The following NSMCE2 variants were observed in gnomAD, a reference collection of about 807,000 sequenced individuals.
NSMCE2 encodes the protein E3 SUMO-protein ligase NSE2.
A neutral mutation model predicts 23.8 loss-of-function variants in NSMCE2; 24 were observed. That is an observed-to-expected ratio of 1.01 (90% CI 0.73 to 1.42). The LOEUF (loss-of-function observed/expected upper bound fraction) is 1.42. Among genes scored for constraint, NSMCE2 ranks in the 40% most tolerant of loss-of-function variants. The pLI is 0.00. For synonymous variants in NSMCE2, 92 were observed against 94.1 expected, an observed-to-expected ratio of 0.98 and a Z score of 0.13; for missense variants, 284 against 296.5, an observed-to-expected ratio of 0.96 and a Z score of 0.31.
intron 5 of NSMCE2, among the ~76,000 whole-genome samples, chr8:125,344,033 G>T (rs1830345788): frequency 6.6e-6 from 1 of 151,958 alleles, no homozygotes; most frequent in African/African-American, 2.4e-5. Context: ...AATTACAACT[G>T]CTTTTAAGAT....
At chr8:125,140,857 G>A (rs1387049120) in intron 3 of NSMCE2, among the ~76,000 whole-genome samples, 1 of 152,094 alleles carries the variant, frequency 6.6e-6, no homozygotes, top group Admixed American at 6.5e-5. Context: ...ATGTTGCCTG[G>A]GAAATGCTCT....
chr8:125,239,010 A>T (rs750216198), intron 5 of NSMCE2, among the ~76,000 whole-genome samples: 12 of 152,202 alleles, frequency 7.9e-5, no homozygotes, highest in Non-Finnish European at 1.6e-4. Flanking sequence ...GATTATTTAG[A>T]TGCTGATTAA....
chr8:125,177,225 C>T (rs893485969), intron 4 of NSMCE2, among the ~76,000 whole-genome samples: 5 of 152,140 alleles, frequency 3.3e-5, no homozygotes, highest in South Asian at 2.1e-4. Flanking sequence ...TAAGTCTTCA[C>T]AGCACTGAAG....
intron 5 of NSMCE2, among the ~76,000 whole-genome samples, chr8:125,198,147 G>C (rs1236968943): frequency 6.6e-6 from 1 of 152,060 alleles, no homozygotes; most frequent in Non-Finnish European, 1.5e-5. Context: ...GGACAATTTG[G>C]CTTCCTCTTT....
intron 5 of NSMCE2, among the ~76,000 whole-genome samples, chr8:125,354,728 C>T (rs1045279346): frequency 1.3e-5 from 2 of 152,172 alleles, no homozygotes; most frequent in Non-Finnish European, 2.9e-5. Context: ...GAAGGTGACT[C>T]TCTAAGAAAA....
At chr8:125,311,086 C>T (rs899365914) in intron 5 of NSMCE2, among the ~76,000 whole-genome samples, 18 of 152,324 alleles carry the variant, frequency 1.2e-4, no homozygotes, top group African/African-American at 4.1e-4. Context: ...TGCTTTCAAA[C>T]TGTGTTTGTG....
chr8:125,303,662 T>C (rs952337737), intron 5 of NSMCE2, among the ~76,000 whole-genome samples: 1 of 152,098 alleles, frequency 6.6e-6, no homozygotes, highest in African/African-American at 2.4e-5. Context: ...CCAATTGCTG[T>C]ACAGAAATTC....
intron 5 of NSMCE2, among the ~76,000 whole-genome samples, chr8:125,216,475 A>C (rs563101790): frequency 6.6e-6 from 1 of 152,268 alleles, no homozygotes; most frequent in East Asian, 1.9e-4. Flanking sequence ...CCCGCTTTCT[A>C]CTAAAAATAC....
rs561419926 is a variant in NSMCE2 at position 125,170,306 on chromosome 8, G to A, written c.265-11797G>A. ...CCATTTTTAATTAGACCAAAATCCA[G>A]AGTTGTCCTTTGTTCCTTAATTTTT... On this transcript the variant is annotated intron_variant, in intron 4 of 7. Coordinates refer to ENST00000287437, the MANE Select transcript of NSMCE2 (RefSeq NM_173685.4). 4.3e-5 allele frequency among the ~76,000 whole-genome samples: 6 copies of A among 140,120 alleles called. No homozygotes were observed. In the South Asian group the frequency reaches 1.5e-3, roughly 36 times the overall value. The allele number at this position is 140,120 out of a possible 152,430, so 91.9% of individuals were successfully genotyped here.
At chr8:125,269,872 C>T (rs1755385651) in intron 5 of NSMCE2, among the ~76,000 whole-genome samples, 1 of 152,184 alleles carries the variant, frequency 6.6e-6, no homozygotes, top group Non-Finnish European at 1.5e-5. Flanking sequence ...CTAAACATAA[C>T]TTGTTAACTT....
chr8:125,316,706 CCTTCTTT>C (rs1829208697), intron 5 of NSMCE2, among the ~76,000 whole-genome samples: 1 of 86,226 alleles, frequency 1.2e-5, no homozygotes, highest in Non-Finnish European at 2.9e-5. Flanking sequence ...TTCCTTCCTT[CCTTCTTT>C]CCTTCTTTCT....
intron 5 of NSMCE2, among the ~76,000 whole-genome samples, chr8:125,269,875 G>A (rs1827103469): frequency 1.3e-5 from 2 of 152,134 alleles, no homozygotes; most frequent in Admixed American, 6.5e-5. Flanking sequence ...AACATAACTT[G>A]TTAACTTGTC....
At chr8:125,155,620 T>G (rs1169212789) in intron 4 of NSMCE2, among the ~76,000 whole-genome samples, 1 of 152,210 alleles carries the variant, frequency 6.6e-6, no homozygotes, top group African/African-American at 2.4e-5. Context: ...ACAGGGGTTA[T>G]CTCTCTTAAA....
chr8:125,318,396 A>G (rs1744706707), intron 5 of NSMCE2, among the ~76,000 whole-genome samples: 1 of 152,240 alleles, frequency 6.6e-6, no homozygotes, highest in Admixed American at 6.5e-5. Context: ...CGACACAGTG[A>G]GACCCTGACT....
intron 5 of NSMCE2, among the ~76,000 whole-genome samples, chr8:125,303,030 A>G (rs1586741451): frequency 6.6e-6 from 1 of 152,284 alleles, no homozygotes; most frequent in East Asian, 1.9e-4. Context: ...CTGTTTCGCA[A>G]GCGGAGAGTC....
intron 5 of NSMCE2, among the ~76,000 whole-genome samples, chr8:125,316,729 T>TCC (rs879554983): frequency 1.0e-5 from 1 of 96,184 alleles, no homozygotes; most frequent in Non-Finnish European, 2.2e-5. Context: ...TTTCTTTCCT[T>TCC]CTTTTCCTTC....
At chr8:125,203,349 T>A (rs1334999259) in intron 5 of NSMCE2, among the ~76,000 whole-genome samples, 1 of 152,044 alleles carries the variant, frequency 6.6e-6, no homozygotes, top group African/African-American at 2.4e-5. Flanking sequence ...ATAACTAATA[T>A]CTAGAAAGAG....
At chr8:125,183,439 T>C (rs1280198973) in intron 5 of NSMCE2, among the ~76,000 whole-genome samples, 1 of 152,102 alleles carries the variant, frequency 6.6e-6, no homozygotes, top group Non-Finnish European at 1.5e-5. Context: ...GCTCCCAACA[T>C]TCTTCTAATG....
rs532075261 is a variant in NSMCE2 at position 125,118,312 on chromosome 8, C to A, written c.157+15825C>A. Among the ~76,000 whole-genome samples the A allele has an allele frequency of 2.0e-5, 3 of 152,160 alleles. No homozygotes were observed. In the South Asian group the frequency reaches 6.2e-4, roughly 32 times the overall value. ...AGGATCACTTGAACCTGCCAGGAGG[C>A]AGAGGTTGCAGTGAGCCGAGATTAC... On this transcript the variant is annotated intron_variant, in intron 3 of 7. Coordinates refer to ENST00000287437, the MANE Select transcript of NSMCE2 (RefSeq NM_173685.4).
Sources: gnomAD v4.1 joint callset for allele counts (sites outside exome capture counted in the v4.1 genomes callset) on GRCh38, gnomAD v4.1.1 for gene constraint, MANE v1.5 for transcripts, NCBI Gene and HGNC (gene_info 2026-07-23, HGNC 2026-07-21) for gene names.